The following CADPS2 variants were observed in gnomAD, a reference collection of about 807,000 sequenced individuals.
CADPS2 encodes the protein calcium-dependent secretion activator 2.
A neutral mutation model predicts 172.5 loss-of-function variants in CADPS2; 93 were observed. That is an observed-to-expected ratio of 0.54 (90% CI 0.46 to 0.64). The LOEUF is 0.64. Ranked by LOEUF, CADPS2 falls within the 30% of genes least tolerant of loss-of-function variation. The probability of loss-of-function intolerance (pLI) is 0.00; values close to 1 mark genes in which losing one functional copy is unlikely to be tolerated. For missense variants in CADPS2, 1,420 were observed against 1,565.9 expected (o/e 0.91, Z 1.57); for synonymous variants, 546 against 555.2 (o/e 0.98, Z 0.23).
At chr7:122,863,129 T>C (rs1295689023) in intron 1 of CADPS2, among the ~76,000 whole-genome samples, 8 of 152,198 alleles carry the variant, frequency 5.3e-5, no homozygotes, top group African/African-American at 1.7e-4. Context: ...ACAACCATTA[T>C]TGCTGCTGGT....
chr7:122,405,778 G>T (rs963500376), intron 20 of CADPS2, among the ~76,000 whole-genome samples: 1 of 152,080 alleles, frequency 6.6e-6, no homozygotes, highest in African/African-American at 2.4e-5. Flanking sequence ...TGAATCTAAG[G>T]TAGGAATTGT....
At chr7:122,498,701 G>C (rs1186302830) in intron 9 of CADPS2, among the ~76,000 whole-genome samples, 3 of 151,934 alleles carry the variant, frequency 2.0e-5, no homozygotes, top group Non-Finnish European at 2.9e-5. Context: ...AGTTCTATAT[G>C]ATCCTTTTCC....
chr7:122,621,582 G>GTAATT lies in CADPS2; in HGVS notation c.998_1002dup (p.Gln335AsnfsTer5). ...GAGTTCTGTGAACGTTTTAATTTTT[G>GTAATT]TAATTTAAATTCCGGACCACCTTTC... On this transcript the variant is annotated frameshift_variant, in exon 5 of 30. Transcript: ENST00000449022. LOFTEE classifies it high-confidence loss of function. 1 of 1,613,764 alleles carries GTAATT rather than the reference G, an allele frequency of 6.2e-7. No individual in the cohort carries two copies.
intron 7 of CADPS2, among the ~76,000 whole-genome samples, chr7:122,572,412 A>G (rs920436994): frequency 1.3e-5 from 2 of 152,164 alleles, no homozygotes; most frequent in South Asian, 4.1e-4. Flanking sequence ...ATCCTTCTGT[A>G]TATACTGAAG....
chr7:122,614,124 G>A (rs1174269187), intron 6 of CADPS2, among the ~76,000 whole-genome samples: 3 of 151,994 alleles, frequency 2.0e-5, no homozygotes, highest in Non-Finnish European at 4.4e-5. Flanking sequence ...AAGTGTATGA[G>A]GGACTGCATG....
chr7:122,361,003 A>T lies in CADPS2; in HGVS notation c.3398T>A (p.Val1133Glu), dbSNP rs766162417. The T allele has an allele frequency of 6.2e-7, 1 of 1,613,266 alleles. No individual in the cohort carries two copies. The highest frequency in any genetic ancestry group is 1.3e-5 in the African/African-American group (1 of 75,024). ...ISLLVSKFVS[V>E]LEGVLSKLSR... is the part of the protein sequence containing the mutation. ...CAGCTTAGACAACACGCCTTCCAAC[A>T]CTGAAACAAACTATAATACAGTTAT... The change falls in exon 26 of 30, where the codon GTG becomes GAG. Residue 1133 changes from valine (V) to glutamate (E), a missense_variant. Coordinates refer to ENST00000449022, the MANE Select transcript of CADPS2 (RefSeq NM_017954.11).
At chr7:122,744,846 ATGGCATTGTC>A (rs1189580609) in intron 1 of CADPS2, among the ~76,000 whole-genome samples, 2 of 152,092 alleles carry the variant, frequency 1.3e-5, no homozygotes, top group Non-Finnish European at 2.9e-5. Context: ...ACATGTCATC[ATGGCATTGTC>A]TGGCGTGGGC....
chr7:122,654,896 G>A (rs187435583), intron 3 of CADPS2, among the ~76,000 whole-genome samples: 369 of 152,286 alleles, frequency 2.4e-3, no homozygotes, highest in African/African-American at 8.0e-3. Flanking sequence ...TGTGATTCAA[G>A]GGAGGAAGTT....
At chr7:122,804,283 A>G (rs779807760) in intron 1 of CADPS2, among the ~76,000 whole-genome samples, 4 of 152,240 alleles carry the variant, frequency 2.6e-5, no homozygotes, top group Non-Finnish European at 5.9e-5. Context: ...AAGACAAGGC[A>G]TTAGCTATCA....
At chr7:122,471,625 T>C (rs964729639) in intron 13 of CADPS2, 63 bp from the exon 14 acceptor site, 2 of 1,395,364 alleles carry the variant, frequency 1.4e-6, no homozygotes, top group African/African-American at 2.9e-5. Context: ...TTTGCTTTCC[T>C]GAACGCACTT....
chr7:122,808,664 A>ATAG (rs1799335828), intron 1 of CADPS2, among the ~76,000 whole-genome samples: 1 of 152,242 alleles, frequency 6.6e-6, no homozygotes, highest in African/African-American at 2.4e-5. Flanking sequence ...GAACAGAGGT[A>ATAG]TAGTACCCTT....
intron 1 of CADPS2, among the ~76,000 whole-genome samples, chr7:122,840,012 A>G (rs973653989): frequency 2.8e-4 from 43 of 152,224 alleles, no homozygotes; most frequent in African/African-American, 1.0e-3. Context: ...TCACAATAGC[A>G]AAGACTTGGA....
intron 17 of CADPS2, among the ~76,000 whole-genome samples, chr7:122,435,616 T>C (rs904674324): frequency 2.0e-5 from 3 of 152,218 alleles, no homozygotes; most frequent in African/African-American, 7.2e-5. Context: ...GTATGGAGGC[T>C]TCTGTAAAAA....
intron 1 of CADPS2, among the ~76,000 whole-genome samples, chr7:122,862,752 T>G (rs1817283625): frequency 6.6e-6 from 1 of 152,112 alleles, no homozygotes; most frequent in Non-Finnish European, 1.5e-5. Flanking sequence ...AGAATAACCC[T>G]TTTTGCTATC....
At chr7:122,428,017 C>T (rs2049386685) in intron 17 of CADPS2, among the ~76,000 whole-genome samples, 1 of 152,022 alleles carries the variant, frequency 6.6e-6, no homozygotes, top group African/African-American at 2.4e-5. Flanking sequence ...TCCTGGATAC[C>T]TTACAGTTTG....
intron 3 of CADPS2, among the ~76,000 whole-genome samples, chr7:122,656,895 C>A (rs866098793): frequency 3.3e-5 from 5 of 152,164 alleles, no homozygotes; most frequent in South Asian, 2.1e-4. Context: ...TGCCTATGTC[C>A]TGAATGGTAT....
At chr7:122,728,766 C>T (rs993253435) in intron 2 of CADPS2, among the ~76,000 whole-genome samples, 3 of 151,478 alleles carry the variant, frequency 2.0e-5, no homozygotes, top group Non-Finnish European at 4.4e-5. Context: ...TATTTGTACA[C>T]ATTCATGGGG....
intron 2 of CADPS2, among the ~76,000 whole-genome samples, chr7:122,719,652 G>C (rs1469078162): frequency 2.0e-5 from 3 of 152,050 alleles, no homozygotes; most frequent in Non-Finnish European, 4.4e-5. Context: ...ACCATCAAAT[G>C]TGCACATAAA....
intron 24 of CADPS2, among the ~76,000 whole-genome samples, chr7:122,382,841 C>T (rs2043183781): frequency 6.6e-6 from 1 of 151,948 alleles, no homozygotes; most frequent in Admixed American, 6.6e-5. Flanking sequence ...AAAGGTAATG[C>T]TTATACACTG....
Sources: allele counts gnomAD v4.1 joint callset (sites outside exome capture counted in the v4.1 genomes callset), GRCh38; gene constraint gnomAD v4.1.1; transcripts MANE v1.5; gene names NCBI Gene and HGNC (gene_info 2026-07-23, HGNC 2026-07-21).